The following GRB14 variants were observed in gnomAD, a reference collection of about 807,000 sequenced individuals.
GRB14 encodes the protein growth factor receptor bound protein 14, also known as growth factor receptor-bound protein 14.
A neutral mutation model predicts 69.1 loss-of-function variants in GRB14; 38 were observed. The ratio of observed to expected loss-of-function variants is 0.55; its 90% CI spans 0.42 to 0.72. GRB14 has a LOEUF of 0.72. GRB14 is among the 30% of genes least tolerant of loss of function. The pLI is 0.00. For synonymous variants in GRB14, 247 were observed against 241.3 expected, an observed-to-expected ratio of 1.02 and a Z score of -0.22; for missense variants, 666 against 666.1, an observed-to-expected ratio of 1.00 and a Z score of 0.00.
chr2:164,580,502 C>T lies in GRB14; in HGVS notation c.325-32686G>A, dbSNP rs899676663. ...GGTGTATAACTTGAGGTCAGGAGTT[C>T]GAGACCAGCCTGGGCAACATGGTGA... On this transcript the variant is annotated intron_variant, in intron 2 of 13. Transcript: ENST00000263915. 5.3e-5 allele frequency among the ~76,000 whole-genome samples: 8 copies of T among 151,628 alleles called. No individual in the cohort carries two copies. The East Asian group carries it at 6.0e-4, about 11-fold the overall frequency.
chr2:164,527,032 C>T lies in GRB14; in HGVS notation c.585G>A (p.Glu195=). 1.3e-6 allele frequency: 2 copies of T among 1,598,110 alleles called. No individual in the cohort carries two copies. Among genetic ancestry groups the T allele is most frequent in the East Asian group, 4.5e-5 (2 of 44,134 alleles). The change falls in exon 4 of 14, where the codon GAG becomes GAA. Residue 195 remains glutamate, a synonymous_variant. Coordinates refer to ENST00000263915, the MANE Select transcript of GRB14 (RefSeq NM_004490.3). ...LYFRKNYAKY[E]FFKNPMYFFP... ...CACTTACCATTGGGTTTTTAAAGAA[C>T]TCATATTTGGCATAATTTTTTCTAA...
chr2:164,499,681 C>T (rs1687000085), intron 9 of GRB14, among the ~76,000 whole-genome samples: 1 of 152,140 alleles, frequency 6.6e-6, no homozygotes, highest in South Asian at 2.1e-4. Flanking sequence ...TCTGGGTATA[C>T]CCTGGATTAT....
chr2:164,590,755 A>C (rs1689642321), intron 2 of GRB14, among the ~76,000 whole-genome samples: 2 of 152,214 alleles, frequency 1.3e-5, no homozygotes, highest in Non-Finnish European at 2.9e-5. Flanking sequence ...CACCTTTTTA[A>C]ATTTTCATAA....
intron 2 of GRB14, among the ~76,000 whole-genome samples, chr2:164,553,835 T>C (rs1383696047): frequency 1.3e-5 from 2 of 152,084 alleles, no homozygotes; most frequent in African/African-American, 4.8e-5. Context: ...GTGGCTGTAA[T>C]CCCAGCTACT....
At chr2:164,522,529 T>C (rs1335639378) in intron 5 of GRB14, among the ~76,000 whole-genome samples, 1 of 152,122 alleles carries the variant, frequency 6.6e-6, no homozygotes, top group African/African-American at 2.4e-5. Flanking sequence ...CTGATATGCT[T>C]TTCATCGTTT....
At chr2:164,579,501 GCACACACACACACACACACACA>G (rs61305070) in intron 2 of GRB14, among the ~76,000 whole-genome samples, 12 of 145,010 alleles carry the variant, frequency 8.3e-5, no homozygotes, top group Non-Finnish European at 1.3e-4. Context: ...GGGCACACTT[GCACACACACACACACACACACA>G]CACACACACA....
intron 2 of GRB14, among the ~76,000 whole-genome samples, chr2:164,608,498 C>G (rs1289092617): frequency 6.6e-6 from 1 of 151,728 alleles, no homozygotes; most frequent in African/African-American, 2.4e-5. Context: ...ATTGATGGTG[C>G]CTATCTCATA....
intron 2 of GRB14, among the ~76,000 whole-genome samples, chr2:164,599,300 C>T (rs558995557): frequency 1.1e-4 from 7 of 62,382 alleles, no homozygotes; most frequent in Admixed American, 4.1e-4. Context: ...CTATCACTGC[C>T]AAAGTATCGT....
chr2:164,537,228 C>G (rs1464063133), intron 3 of GRB14, among the ~76,000 whole-genome samples: 1 of 152,188 alleles, frequency 6.6e-6, no homozygotes, highest in Non-Finnish European at 1.5e-5. Context: ...GCTTGGACAG[C>G]TCAGAGTTTT....
chr2:164,614,747 A>G (rs2105362323), intron 2 of GRB14, among the ~76,000 whole-genome samples: 1 of 152,312 alleles, frequency 6.6e-6, no homozygotes, highest in East Asian at 1.9e-4. Context: ...TGTATACTAG[A>G]AAAATAAGTA....
chr2:164,599,927 C>T (rs569673046), intron 2 of GRB14, among the ~76,000 whole-genome samples: 2 of 152,150 alleles, frequency 1.3e-5, no homozygotes, highest in Admixed American at 6.5e-5. Flanking sequence ...TAATGTAATG[C>T]GAAAACACGA....
intron 9 of GRB14, among the ~76,000 whole-genome samples, chr2:164,498,793 C>T (rs1686973179): frequency 6.6e-6 from 1 of 152,190 alleles, no homozygotes; most frequent in Non-Finnish European, 1.5e-5. Flanking sequence ...ATCACTGCTT[C>T]AACATATCCC....
chr2:164,509,709 C>T (rs1308495998), intron 6 of GRB14, among the ~76,000 whole-genome samples: 1 of 149,704 alleles, frequency 6.7e-6, no homozygotes, highest in Non-Finnish European at 1.5e-5. Context: ...ACTTTCAGGG[C>T]TCATCCCAGA....
intron 2 of GRB14, among the ~76,000 whole-genome samples, chr2:164,559,938 A>T (rs1688778774): frequency 6.6e-6 from 1 of 152,206 alleles, no homozygotes; most frequent in Non-Finnish European, 1.5e-5. Context: ...ACATGCATAG[A>T]GCACAGTGTT....
At chr2:164,550,978 G>C (rs1299000780) in intron 2 of GRB14, among the ~76,000 whole-genome samples, 3 of 152,122 alleles carry the variant, frequency 2.0e-5, no homozygotes, top group African/African-American at 7.2e-5. Flanking sequence ...GTGACAGTTT[G>C]CTGGAGCTGC....
chr2:164,617,270 G>A (rs919799835), intron 2 of GRB14, among the ~76,000 whole-genome samples: 1 of 152,128 alleles, frequency 6.6e-6, no homozygotes, highest in African/African-American at 2.4e-5. Flanking sequence ...TTAAAAATCA[G>A]GCGGGGACTC....
At chr2:164,531,913 T>C (rs1227175842) in intron 3 of GRB14, among the ~76,000 whole-genome samples, 4 of 152,168 alleles carry the variant, frequency 2.6e-5, no homozygotes, top group Admixed American at 2.6e-4. Flanking sequence ...AATAGCTAAG[T>C]ACAATGTCAA....
Position 164,611,257 on chromosome 2 carries a change from A to G in GRB14, c.324+8430T>C, listed in dbSNP as rs546471279. 5.3e-5 allele frequency among the ~76,000 whole-genome samples: 8 copies of G among 152,334 alleles called. No homozygotes were observed. The South Asian group carries it at 1.5e-3, about 28-fold the overall frequency. ...CGATTTACCTTTCTGAAAGTTCCCT[A>G]TAACAAGTGTATGTAGAATGAACCA... is the stretch of plus-strand genomic sequence containing the variant. On this transcript the variant is annotated intron_variant, in intron 2 of 13. Transcript: ENST00000263915.
intron 3 of GRB14, among the ~76,000 whole-genome samples, chr2:164,535,864 T>C (rs1688066237): frequency 6.6e-6 from 1 of 152,170 alleles, no homozygotes. Context: ...AGCCCTGCAG[T>C]TCATTCTTCT....
Sources: allele counts gnomAD v4.1 joint callset (sites outside exome capture counted in the v4.1 genomes callset), GRCh38; gene constraint gnomAD v4.1.1; transcripts MANE v1.5; gene names NCBI Gene and HGNC (gene_info 2026-07-23, HGNC 2026-07-21).